The following SCAMP4 variants were observed in gnomAD, a reference collection of about 807,000 sequenced individuals.
The protein encoded by SCAMP4 is secretory carrier-associated membrane protein 4.
Under a neutral mutation model 32.1 loss-of-function variants are expected in SCAMP4, and 19 were observed. The ratio of observed to expected loss-of-function variants is 0.59; its 90% CI spans 0.41 to 0.87. SCAMP4 has a LOEUF of 0.87. SCAMP4 is among the 40% of genes least tolerant of loss of function. The pLI, the probability that SCAMP4 is intolerant of heterozygous loss-of-function variation, is 0.00. For missense variants in SCAMP4, 302 were observed against 309.0 expected, an observed-to-expected ratio of 0.98 and a Z score of 0.17; for synonymous variants, 152 against 132.7, an observed-to-expected ratio of 1.15 and a Z score of -1.00.
intron 1 of SCAMP4, among the ~76,000 whole-genome samples, chr19:1,909,461 A>G (rs564483589): frequency 1.3e-5 from 2 of 152,182 alleles, no homozygotes; most frequent in Admixed American, 1.3e-4. Flanking sequence ...CTGTGCCAGC[A>G]GCAGGGATGG....
chr19:1,924,685 CTGATGGGGAG>C lies in SCAMP4; in HGVS notation c.*402_*411del. The C allele has an allele frequency of 4.7e-6, 1 of 214,420 alleles. No individual in the cohort carries two copies. The highest frequency in any genetic ancestry group is 1.0e-4 in the East Asian group (1 of 9,910). The allele number at this position is 214,420 out of a possible 1,614,324, so 13.3% of individuals were successfully genotyped here. ...TGCTGGCGCTGAGGTCAGAGCGGGT[CTGATGGGGAG>C]CTCCGTCTCACCGGCCACCCGCCGT... On this transcript the variant is annotated 3_prime_UTR_variant, in exon 7 of 7. Transcript: ENST00000316097.
intron 1 of SCAMP4, chr19:1,912,770 C>T: frequency 6.4e-7 from 1 of 1,564,836 alleles, no homozygotes; most frequent in Non-Finnish European, 8.6e-7. Context: ...TGCACGCCGT[C>T]ATGGTGTGCG....
At chr19:1,918,533 A>T in intron 4 of SCAMP4, 1 of 533,256 alleles carries the variant, frequency 1.9e-6, no homozygotes, top group Non-Finnish European at 3.2e-6. Flanking sequence ...AGGCCGAGGC[A>T]GGCGGATCAC....
Position 1,908,710 on chromosome 19 carries a change from G to A in SCAMP4, c.-42+3271G>A, listed in dbSNP as rs541931876. The A allele has an allele frequency of 2.0e-5, 8 of 392,000 alleles. No individual in the cohort carries two copies. The East Asian group carries it at 2.9e-4, about 14-fold the overall frequency. 24.3% of individuals were successfully genotyped at this position (392,000 alleles called of 1,614,324 possible). On this transcript the variant is annotated intron_variant, in intron 1 of 6. Transcript: ENST00000316097. The surrounding 1 kb of genome is among the most constrained non-coding windows in gnomAD (Gnocchi z 4.2). ...AACAGGGTCTCTCTATCTTGCCCAC[G>A]TTGGTCTCAAACTCCTGTGCTTAAG...
rs77965316 is a variant in SCAMP4, at chr19:1,910,233, C to T, written c.-41-4746C>T. On this transcript the variant is annotated intron_variant, in intron 1 of 6. Coordinates refer to ENST00000316097, the MANE Select transcript of SCAMP4 (RefSeq NM_079834.4). ...GCTGTGTTGTCATCTGGAGGCTCAA[C>T]GGGGGTGGCATCTGCTTGCAACTCA... Among the ~76,000 whole-genome samples the T allele has an allele frequency of 9.0e-3, 1,370 of 152,292 alleles. 16 individuals are homozygous for T. Among genetic ancestry groups the T allele is most frequent in the African/African-American group, 0.032 (1,325 of 41,556 alleles).
chr19:1,922,460 C>G, intron 5 of SCAMP4: 2 of 844,198 alleles, frequency 2.4e-6, no homozygotes, highest in Non-Finnish European at 2.9e-6. Context: ...GTCTCCAGTT[C>G]CTGGCCTCAA....
intron 2 of SCAMP4, among the ~76,000 whole-genome samples, chr19:1,916,067 A>G (rs987145062): frequency 6.6e-6 from 1 of 151,392 alleles, no homozygotes; most frequent in African/African-American, 2.4e-5. Flanking sequence ...AGCATAGTGA[A>G]ACCCCATCCC....
In SCAMP4 at chr19:1,913,084, A is replaced by C; in HGVS notation, c.-41-1895A>C. The C allele has an allele frequency of 6.2e-7, 1 of 1,601,020 alleles. No homozygotes were observed. Among genetic ancestry groups the C allele is most frequent in the South Asian group, 1.1e-5 (1 of 90,722 alleles). ...CGCATCCACGCACGGCCCGACCTCA[A>C]CCACCGCTTCCAGGTGTTCCGCGGG... On this transcript the variant is annotated intron_variant, in intron 1 of 6. Transcript: ENST00000316097.
chr19:1,924,708 G>A lies in SCAMP4; in HGVS notation c.*424G>A, dbSNP rs941930481. 14 of 208,454 alleles carry A rather than the reference G, an allele frequency of 6.7e-5. No individual in the cohort carries two copies. Among genetic ancestry groups the A allele is most frequent in the Middle Eastern group, 2.1e-3 (1 of 486 alleles). The allele number at this position is 208,454 out of a possible 1,614,324, so 12.9% of individuals were successfully genotyped here. ...GTCTGATGGGGAGCTCCGTCTCACCGGCCACCCGCCGTCACCATGGCAGAT... is the reference window on the plus strand; with the variant it reads ...GTCTGATGGGGAGCTCCGTCTCACCAGCCACCCGCCGTCACCATGGCAGAT... On this transcript the variant is annotated 3_prime_UTR_variant, in exon 7 of 7. Transcript: ENST00000316097.
At chr19:1,922,420 A>G (rs2013946658) in intron 5 of SCAMP4, 1 of 692,570 alleles carries the variant, frequency 1.4e-6, no homozygotes, top group African/African-American at 1.9e-5. Context: ...TTTTTAGTAG[A>G]GACGGGGTTT....
At chr19:1,923,240 G>A (rs552699899) in intron 6 of SCAMP4, 53 bp downstream of exon 6, 72 of 1,455,422 alleles carry the variant, frequency 4.9e-5, no homozygotes, top group Non-Finnish European at 5.7e-5. Flanking sequence ...CATGAACCTC[G>A]TCACCCAACT....
rs2013230068 is a variant in SCAMP4, at chr19:1,908,042, T to G, written c.-42+2603T>G. On this transcript the variant is annotated intron_variant, in intron 1 of 6. Transcript: ENST00000316097. The surrounding 1 kb of genome is among the most constrained non-coding windows in gnomAD (Gnocchi z 4.2). ...CGTTTGTTTTTCATCAGACAGAGGTTGTACTCTTGGAGGGACAAGCGAGGC... is the reference window on the plus strand; with the variant it reads ...CGTTTGTTTTTCATCAGACAGAGGTGGTACTCTTGGAGGGACAAGCGAGGC... 6.0e-6 allele frequency: 1 copy of G among 166,164 alleles called. No homozygotes were observed. The allele number at this position is 166,164 out of a possible 1,614,324, so 10.3% of individuals were successfully genotyped here.
intron 1 of SCAMP4, among the ~76,000 whole-genome samples, chr19:1,909,787 C>T (rs1474142018): frequency 6.6e-6 from 1 of 152,206 alleles, no homozygotes; most frequent in Non-Finnish European, 1.5e-5. Flanking sequence ...AGCAGGGACA[C>T]CCCAGTGGCT....
chr19:1,912,050 G>A, intron 1 of SCAMP4: 1 of 1,419,060 alleles, frequency 7.0e-7, no homozygotes, highest in South Asian at 1.5e-5. Flanking sequence ...GCCGCCGGAT[G>A]ATCCTCTGCT....
chr19:1,918,013 C>G (rs896610549), intron 3 of SCAMP4, 114 bp from the exon 4 acceptor site: 1 of 1,416,804 alleles, frequency 7.1e-7, no homozygotes, highest in Non-Finnish European at 9.6e-7. Flanking sequence ...TCATCCTCGA[C>G]ATGGGGTCAC....
chr19:1,921,250 C>G (rs1298924532), intron 5 of SCAMP4: 2 of 985,280 alleles, frequency 2.0e-6, no homozygotes, highest in African/African-American at 3.5e-5. Context: ...GAGGCGACAG[C>G]CCCGCTCTCC....
chr19:1,905,887 T>C (rs889805494), intron 1 of SCAMP4: 2 of 152,306 alleles, frequency 1.3e-5, no homozygotes, highest in Non-Finnish European at 2.9e-5. Flanking sequence ...CCCCTAGGCC[T>C]TGGTACATCC....
chr19:1,917,303 C>T (rs1285683754), intron 2 of SCAMP4, among the ~76,000 whole-genome samples: 1 of 151,732 alleles, frequency 6.6e-6, no homozygotes, highest in Non-Finnish European at 1.5e-5. Context: ...GAGACTCCGT[C>T]TCAAAAAAAG....
At chr19:1,913,155 C>G in intron 1 of SCAMP4, 1 of 1,533,874 alleles carries the variant, frequency 6.5e-7, no homozygotes, top group South Asian at 1.2e-5. Context: ...CACGTAGGCG[C>G]CGCCCTCCTG....
Sources: gnomAD v4.1 joint callset for allele counts (sites outside exome capture counted in the v4.1 genomes callset) on GRCh38, gnomAD v4.1.1 for gene constraint, Gnocchi (gnomAD v3.1) non-coding constraint, MANE v1.5 for transcripts, NCBI Gene and HGNC (gene_info 2026-07-23, HGNC 2026-07-21) for gene names.